ROCK2: variants seen among roughly 807,000 people sequenced by gnomAD.
ROCK2 encodes the protein Rho associated coiled-coil containing protein kinase 2.
Under a neutral mutation model 195.1 loss-of-function variants are expected in ROCK2, and 61 were observed. The observed-to-expected ratio is 0.31, with a 90% CI of 0.25 to 0.39. The LOEUF is 0.39. ROCK2 is among the 10% of genes least tolerant of loss of function. The pLI is 1.00. For missense variants in ROCK2, 1,109 were observed against 1,637.4 expected (o/e 0.68, Z 5.57); for synonymous variants, 504 against 545.5 (o/e 0.92, Z 1.06).
intron 3 of ROCK2, among the ~76,000 whole-genome samples, chr2:11,280,323 A>G (rs1342890167): frequency 6.6e-6 from 1 of 152,122 alleles, no homozygotes; most frequent in Non-Finnish European, 1.5e-5. Flanking sequence ...TTCCACAGAC[A>G]TTAATAAGGA....
intron 4 of ROCK2, among the ~76,000 whole-genome samples, chr2:11,244,389 T>C (rs968239988): frequency 1.3e-5 from 2 of 152,204 alleles, no homozygotes; most frequent in Non-Finnish European, 2.9e-5. Context: ...GGGTGAACTG[T>C]ACATGGGGAT....
intron 4 of ROCK2, among the ~76,000 whole-genome samples, chr2:11,238,526 T>G (rs1665307355): frequency 6.6e-6 from 1 of 152,094 alleles, no homozygotes; most frequent in African/African-American, 2.4e-5. Context: ...TTTCCCAATT[T>G]CAAAACTTAC....
intron 1 of ROCK2, among the ~76,000 whole-genome samples, chr2:11,302,405 G>A (rs950048443): frequency 6.6e-6 from 1 of 150,542 alleles, no homozygotes; most frequent in Non-Finnish European, 1.5e-5. Context: ...TGCAACCTCC[G>A]CAAGTGATTC....
intron 4 of ROCK2, among the ~76,000 whole-genome samples, chr2:11,240,161 C>T (rs531926997): frequency 1.2e-4 from 18 of 152,318 alleles, no homozygotes; most frequent in African/African-American, 4.3e-4. Context: ...TAAACTCAAT[C>T]TCTAATCCTC....
chr2:11,200,745 T>C (rs1663821860), intron 23 of ROCK2, among the ~76,000 whole-genome samples: 1 of 152,242 alleles, frequency 6.6e-6, no homozygotes. Context: ...CCTTTCACTT[T>C]AGACCTTTAA....
chr2:11,330,849 G>A (rs1668715207), intron 1 of ROCK2, among the ~76,000 whole-genome samples: 3 of 15,194 alleles, frequency 2.0e-4, no homozygotes, highest in African/African-American at 1.8e-4. Context: ...GGAGGAGGAG[G>A]GGGAGGAAGA....
intron 4 of ROCK2, among the ~76,000 whole-genome samples, chr2:11,240,490 T>C (rs545921225): frequency 1.3e-5 from 2 of 152,358 alleles, no homozygotes; most frequent in African/African-American, 2.4e-5. Flanking sequence ...AAAAACAGTA[T>C]GCTAAGGAAA....
chr2:11,255,453 G>A (rs369852867), intron 3 of ROCK2, among the ~76,000 whole-genome samples: 1 of 150,410 alleles, frequency 6.6e-6, no homozygotes, highest in African/African-American at 2.5e-5. Context: ...AGGAAAATGC[G>A]ACTCATCATC....
chr2:11,293,195 A>G (rs1416473564), intron 1 of ROCK2, among the ~76,000 whole-genome samples: 1 of 152,232 alleles, frequency 6.6e-6, no homozygotes, highest in Non-Finnish European at 1.5e-5. Context: ...TTACATCATC[A>G]CGGTTCTGCC....
intron 3 of ROCK2, among the ~76,000 whole-genome samples, chr2:11,256,336 T>C (rs1025328741): frequency 2.0e-5 from 3 of 151,064 alleles, no homozygotes; most frequent in Non-Finnish European, 4.4e-5. Flanking sequence ...ATCTGGTTGT[T>C]AAAAGTATAT....
rs766535916 is a variant in ROCK2, at chr2:11,194,358, GAGAAA to G, written c.3520-19_3520-15del. 2 of 1,181,340 alleles carry G rather than the reference GAGAAA, an allele frequency of 1.7e-6. No homozygotes were observed. The highest frequency in any genetic ancestry group is 4.2e-5 in the South Asian group (2 of 47,630). 73.2% of individuals were successfully genotyped at this position (1,181,340 alleles called of 1,614,324 possible). On this transcript the variant is annotated splice_polypyrimidine_tract_variant and intron_variant, in intron 28 of 32. Transcript: ENST00000315872. ...TACAATCACATACTGTTAAAACAGG[GAGAAA>G]AGAAATCAGTAATTCAAGTTTTTAT...
intron 1 of ROCK2, among the ~76,000 whole-genome samples, chr2:11,309,823 T>C (rs1056046913): frequency 2.0e-5 from 3 of 151,974 alleles, no homozygotes; most frequent in South Asian, 2.1e-4. Context: ...CTACAAAATA[T>C]ACAAAAATTA....
At chr2:11,259,058 G>A (rs1344998907) in intron 3 of ROCK2, among the ~76,000 whole-genome samples, 1 of 151,286 alleles carries the variant, frequency 6.6e-6, no homozygotes, top group African/African-American at 2.5e-5. Context: ...AGAGAAGTGA[G>A]GACAGGGGAA....
At chr2:11,293,844 C>T (rs1667430381) in intron 1 of ROCK2, among the ~76,000 whole-genome samples, 1 of 152,056 alleles carries the variant, frequency 6.6e-6, no homozygotes, top group South Asian at 2.1e-4. Context: ...GAGGCATTAA[C>T]GATAGCATAT....
In ROCK2 at chr2:11,214,929, AGTTTT is replaced by A. The variant is rs770296034; in HGVS notation, c.1842_1846del (p.Leu614PhefsTer2). The A allele has an allele frequency of 6.2e-7, 1 of 1,614,050 alleles. No homozygotes were observed. Among genetic ancestry groups the A allele is most frequent in the African/African-American group, 1.3e-5 (1 of 75,034 alleles). ...CTGAAGATTGATAAATTCCTTTTCA[AGTTTT>A]AACTTGGCAGTCTCCAGCAGGCAGT... On this transcript the variant is annotated frameshift_variant, in exon 16 of 33. Transcript: ENST00000315872. LOFTEE classifies it high-confidence loss of function.
intron 4 of ROCK2, among the ~76,000 whole-genome samples, chr2:11,241,749 T>C (rs1387707505): frequency 6.6e-6 from 1 of 152,160 alleles, no homozygotes; most frequent in African/African-American, 2.4e-5. Flanking sequence ...GTAACACTAT[T>C]AAAAAATCCA....
chr2:11,195,753 G>C (rs920206288), intron 27 of ROCK2, among the ~76,000 whole-genome samples: 1 of 152,186 alleles, frequency 6.6e-6, no homozygotes, highest in Non-Finnish European at 1.5e-5. Flanking sequence ...GACCTCAGGT[G>C]ATCTGTCTGC....
At chr2:11,317,600 A>T (rs1225709061) in intron 1 of ROCK2, among the ~76,000 whole-genome samples, 17 of 16,590 alleles carry the variant, frequency 1.0e-3, no homozygotes, top group East Asian at 0.01. Flanking sequence ...ATATATATAT[A>T]TATATATATA....
At chr2:11,325,780 C>G (rs1276245074) in intron 1 of ROCK2, among the ~76,000 whole-genome samples, 2 of 151,980 alleles carry the variant, frequency 1.3e-5, no homozygotes, top group African/African-American at 4.8e-5. Context: ...ACTAGAAAAG[C>G]TGGGGGAAAG....
Sources: gnomAD v4.1 joint callset for allele counts (sites outside exome capture counted in the v4.1 genomes callset) on GRCh38, gnomAD v4.1.1 for gene constraint, MANE v1.5 for transcripts, NCBI Gene and HGNC (gene_info 2026-07-23, HGNC 2026-07-21) for gene names.